PIK3CB: variants seen among roughly 807,000 people sequenced by gnomAD.
PIK3CB encodes phosphatidylinositol-4,5-bisphosphate 3-kinase catalytic subunit beta, also known as phosphatidylinositol 4,5-bisphosphate 3-kinase catalytic subunit beta isoform.
PIK3CB carries 39 observed loss-of-function variants against 136.8 expected under a neutral mutation model. The ratio of observed to expected loss-of-function variants is 0.29; its 90% CI spans 0.22 to 0.37. PIK3CB has a LOEUF of 0.37. PIK3CB is among the 10% of genes least tolerant of loss of function. The pLI is 1.00. For synonymous variants in PIK3CB, 428 were observed against 436.6 expected (o/e 0.98, Z 0.25); for missense variants, 868 against 1,275.4 (o/e 0.68, Z 4.87).
chr3:138,828,184 C>CTTTTT (rs1176715980), intron 1 of PIK3CB, among the ~76,000 whole-genome samples: 3 of 131,092 alleles, frequency 2.3e-5, no homozygotes, highest in South Asian at 2.4e-4. Context: ...ATTAAATTTC[C>CTTTTT]TTTTTTTTTT....
chr3:138,740,722 G>A (rs1373644081), intron 5 of PIK3CB, among the ~76,000 whole-genome samples: 1 of 151,880 alleles, frequency 6.6e-6, no homozygotes, highest in Non-Finnish European at 1.5e-5. Flanking sequence ...GCGCAATCTG[G>A]GCTCGCTGCA....
intron 1 of PIK3CB, chr3:138,826,417 T>G: frequency 4.8e-5 from 57 of 1,177,286 alleles, no homozygotes; most frequent in Non-Finnish European, 6.5e-5. Context: ...CCATTTAGGT[T>G]TAATAGTAAA....
chr3:138,669,029 C>T (rs1372096335), intron 19 of PIK3CB, among the ~76,000 whole-genome samples: 1 of 152,192 alleles, frequency 6.6e-6, no homozygotes, highest in Non-Finnish European at 1.5e-5. Context: ...AAATCTTTTA[C>T]CTAATGCTTG....
At chr3:138,824,698 A>T (rs1281444361) in intron 1 of PIK3CB, among the ~76,000 whole-genome samples, 2 of 151,788 alleles carry the variant, frequency 1.3e-5, no homozygotes, top group Non-Finnish European at 2.9e-5. Flanking sequence ...CACTTCGGAA[A>T]AAAAAGAAAA....
chr3:138,785,270 C>T (rs924923312), intron 2 of PIK3CB, among the ~76,000 whole-genome samples: 1 of 151,582 alleles, frequency 6.6e-6, no homozygotes, highest in African/African-American at 2.4e-5. Context: ...CCGCCCCCTC[C>T]AGGAGGTGGG....
At chr3:138,697,338 C>A (rs2044158960) in intron 13 of PIK3CB, among the ~76,000 whole-genome samples, 1 of 152,100 alleles carries the variant, frequency 6.6e-6, no homozygotes, top group South Asian at 2.1e-4. Context: ...AAAATAGTTC[C>A]TTTTCAGTCT....
intron 2 of PIK3CB, among the ~76,000 whole-genome samples, chr3:138,763,869 T>C (rs1221429165): frequency 6.6e-6 from 1 of 152,106 alleles, no homozygotes; most frequent in Non-Finnish European, 1.5e-5. Context: ...TCCCAGCACT[T>C]TGGGAGGCCA....
intron 1 of PIK3CB, among the ~76,000 whole-genome samples, chr3:138,800,750 G>C (rs1207294366): frequency 6.6e-6 from 1 of 151,950 alleles, no homozygotes; most frequent in Non-Finnish European, 1.5e-5. Context: ...TCAGTCTCCT[G>C]AGTACCTGGG....
intron 1 of PIK3CB, among the ~76,000 whole-genome samples, chr3:138,813,297 T>C (rs1933159502): frequency 6.6e-6 from 1 of 152,102 alleles, no homozygotes; most frequent in Non-Finnish European, 1.5e-5. Context: ...TAAGACACAC[T>C]TAAGTGATAC....
intron 1 of PIK3CB, chr3:138,825,152 T>C (rs1933726805): frequency 3.4e-6 from 1 of 295,528 alleles, no homozygotes; most frequent in East Asian, 7.9e-5. Flanking sequence ...AGCATGAACA[T>C]GGTATCACCA....
chr3:138,787,036 C>G (rs2045988154), intron 2 of PIK3CB, among the ~76,000 whole-genome samples: 1 of 152,180 alleles, frequency 6.6e-6, no homozygotes, highest in Non-Finnish European at 1.5e-5. Flanking sequence ...AGTAAGCACT[C>G]AACAATATCA....
chr3:138,704,439 T>A lies in PIK3CB; in HGVS notation c.1581+4A>T. The A allele has an allele frequency of 6.3e-7, 1 of 1,590,538 alleles. No individual in the cohort carries two copies. ...AAGGGCCATTTAAAACTCTTGATAC[T>A]TACTGACACATTAGCACTATCACTG... On this transcript the variant is annotated splice_donor_region_variant and intron_variant, in intron 12 of 23. Coordinates refer to ENST00000674063, the MANE Select transcript of PIK3CB (RefSeq NM_006219.3).
chr3:138,695,032 C>T, intron 13 of PIK3CB, 125 bp from the exon 14 acceptor site: 2 of 781,840 alleles, frequency 2.6e-6, no homozygotes, highest in Admixed American at 3.3e-5. Flanking sequence ...ATTGATGCCT[C>T]AAAAATCCAT....
rs2044075830 is a variant in PIK3CB at position 138,693,967 on chromosome 3, T to TA, written c.1892+818dup. 5.7e-4 allele frequency among the ~76,000 whole-genome samples: 10 copies of TA among 17,504 alleles called. 1 individual carries two copies. Among genetic ancestry groups the TA allele is most frequent in the Non-Finnish European group, 1.7e-4 (2 of 11,980 alleles). 11.5% of individuals were successfully genotyped at this position (17,504 alleles called of 152,430 possible). A position where few individuals can be genotyped will look rare whatever the true frequency, so the allele number is the denominator to read the frequency against. ...TATATATATATATATATATATATAT[T>TA]ATATATATATATATATATATATATA... On this transcript the variant is annotated intron_variant, in intron 14 of 23. Coordinates refer to ENST00000674063, the MANE Select transcript of PIK3CB (RefSeq NM_006219.3).
chr3:138,811,209 C>G (rs1342905185), intron 1 of PIK3CB, among the ~76,000 whole-genome samples: 1 of 113,788 alleles, frequency 8.8e-6, no homozygotes, highest in African/African-American at 3.5e-5. Flanking sequence ...CACCACTACA[C>G]TACAGCCTGG....
Position 138,804,484 on chromosome 3 carries a change from A to G in PIK3CB, c.-121-7917T>C, listed in dbSNP as rs139364795. Among the ~76,000 whole-genome samples, 1,522 of 152,230 alleles carry G rather than the reference A, an allele frequency of 1.0e-2. 15 individuals carry two copies. Among genetic ancestry groups the G allele is most frequent in the Non-Finnish European group, 0.015 (1,042 of 68,002 alleles). ...GAGCCATGATCATGCCACTGCACTC[A>G]GCCTGAATAACAGAGACCTTGTCTC... On this transcript the variant is annotated intron_variant, in intron 1 of 23. Coordinates refer to ENST00000674063, the MANE Select transcript of PIK3CB (RefSeq NM_006219.3).
intron 14 of PIK3CB, 136 bp downstream of exon 14, chr3:138,694,650 G>A: frequency 1.2e-6 from 1 of 845,880 alleles, no homozygotes; most frequent in Non-Finnish European, 1.8e-6. Flanking sequence ...GAGCTGGCAG[G>A]AGTACATGAG....
chr3:138,684,517 T>G, intron 17 of PIK3CB, 108 bp downstream of exon 17: 2 of 693,682 alleles, frequency 2.9e-6, no homozygotes, highest in Non-Finnish European at 4.5e-6. Context: ...CCTTCCTTAA[T>G]TATATTCTAC....
At chr3:138,670,578 T>G (rs1292092993) in intron 19 of PIK3CB, among the ~76,000 whole-genome samples, 1 of 152,232 alleles carries the variant, frequency 6.6e-6, no homozygotes, top group Non-Finnish European at 1.5e-5. Context: ...ACATAATATG[T>G]AACCAAGTGG....
Sources: gnomAD v4.1 joint callset for allele counts (sites outside exome capture counted in the v4.1 genomes callset) on GRCh38, gnomAD v4.1.1 for gene constraint, MANE v1.5 for transcripts, NCBI Gene and HGNC (gene_info 2026-07-23, HGNC 2026-07-21) for gene names.